The following INTS7 variants were observed in gnomAD, a reference collection of about 807,000 sequenced individuals.
The protein encoded by INTS7 is chromosome 1 open reading frame 73.
In INTS7, 46 loss-of-function variants were observed where a neutral mutation model predicts 109.2. The ratio of observed to expected loss-of-function variants is 0.42; its 90% CI spans 0.33 to 0.54. The LOEUF is 0.54. Among genes scored for constraint, INTS7 ranks in the 20% least tolerant of loss-of-function variants. The pLI is 0.07. For synonymous variants in INTS7, 412 were observed against 402.9 expected, an observed-to-expected ratio of 1.02 and a Z score of -0.27; for missense variants, 929 against 1,132.4, an observed-to-expected ratio of 0.82 and a Z score of 2.58.
chr1:211,953,061 T>C (rs971723851), intron 16 of INTS7, among the ~76,000 whole-genome samples: 13 of 152,206 alleles, frequency 8.5e-5, no homozygotes, highest in African/African-American at 2.7e-4. Flanking sequence ...CATAAAGATA[T>C]GTAATAACAG....
At chr1:212,003,560 A>G (rs1265675368) in intron 7 of INTS7, among the ~76,000 whole-genome samples, 3 of 152,208 alleles carry the variant, frequency 2.0e-5, no homozygotes, top group Non-Finnish European at 2.9e-5. Flanking sequence ...GAGATGCAAG[A>G]AGAGCAAAGA....
chr1:212,011,711 T>C (rs1369834350), intron 4 of INTS7: 8 of 299,272 alleles, frequency 2.7e-5, no homozygotes, highest in Non-Finnish European at 3.7e-5. Context: ...GAAATTATTT[T>C]GTGTTTATAT....
intron 1 of INTS7, among the ~76,000 whole-genome samples, chr1:212,026,643 T>C (rs1359502644): frequency 2.0e-5 from 3 of 152,246 alleles, no homozygotes; most frequent in Middle Eastern, 3.4e-3. Context: ...GGGAAAGACA[T>C]AGCTGAGGAT....
chr1:211,986,929 A>G lies in INTS7; in HGVS notation c.997+957T>C, dbSNP rs578039875. ...GGCCATAAAAGGGACAAACAAATGTACATTACAGTTCTTTAATTCAAACTA... is the reference window on the plus strand; with the variant it reads ...GGCCATAAAAGGGACAAACAAATGTGCATTACAGTTCTTTAATTCAAACTA... On this transcript the variant is annotated intron_variant, in intron 8 of 19. Coordinates refer to ENST00000366994, the MANE Select transcript of INTS7 (RefSeq NM_015434.4). 5.3e-5 allele frequency among the ~76,000 whole-genome samples: 8 copies of G among 152,350 alleles called. No individual in the cohort carries two copies. The East Asian group carries it at 1.5e-3, about 29-fold the overall frequency.
intron 13 of INTS7, among the ~76,000 whole-genome samples, chr1:211,970,599 A>G (rs1025302658): frequency 6.6e-6 from 1 of 152,244 alleles, no homozygotes. Flanking sequence ...ACTCTTATAA[A>G]CCAGTAAGAA....
chr1:212,008,602 G>A (rs757275932), intron 5 of INTS7, among the ~76,000 whole-genome samples: 1 of 152,080 alleles, frequency 6.6e-6, no homozygotes, highest in Non-Finnish European at 1.5e-5. Flanking sequence ...CTGCCCCGAC[G>A]TCAGACGCAT....
intron 4 of INTS7, among the ~76,000 whole-genome samples, chr1:212,014,485 A>G (rs1666311163): frequency 6.7e-6 from 1 of 150,238 alleles, no homozygotes; most frequent in Non-Finnish European, 1.5e-5. Context: ...AAAAAAAAAA[A>G]AAAAGCTGAA....
intron 16 of INTS7, among the ~76,000 whole-genome samples, chr1:211,955,213 A>C (rs1467749086): frequency 6.6e-6 from 1 of 152,094 alleles, no homozygotes; most frequent in African/African-American, 2.4e-5. Context: ...TTGGTGTATA[A>C]GAATGCTTGT....
intron 10 of INTS7, among the ~76,000 whole-genome samples, chr1:211,980,717 G>A (rs991275163): frequency 7.9e-5 from 12 of 151,680 alleles, no homozygotes; most frequent in Non-Finnish European, 1.8e-4. Context: ...GGGATTATAG[G>A]CATGAGAGCC....
chr1:211,973,848 C>T (rs771599190), intron 13 of INTS7, among the ~76,000 whole-genome samples: 1 of 152,136 alleles, frequency 6.6e-6, no homozygotes, highest in Non-Finnish European at 1.5e-5. Flanking sequence ...AATAAAATAA[C>T]TCCATTTCAA....
chr1:211,986,253 C>G (rs1194721191), intron 8 of INTS7, among the ~76,000 whole-genome samples: 1 of 152,112 alleles, frequency 6.6e-6, no homozygotes, highest in Non-Finnish European at 1.5e-5. Context: ...CTTAGACCAT[C>G]CAATCCTGGT....
chr1:212,004,876 G>C (rs537082441), intron 7 of INTS7, among the ~76,000 whole-genome samples: 6 of 152,314 alleles, frequency 3.9e-5, no homozygotes, highest in Non-Finnish European at 7.4e-5. Flanking sequence ...GGTAAAAAAC[G>C]TAAGTCTGAT....
rs559832186 is a variant in INTS7, at chr1:211,941,169, A to C, written c.*655T>G. ...GTGACTGGTCAGAACCTCCCAATGA[A>C]CAACTCAGAATCCTAGGTCTAAGTC... On this transcript the variant is annotated 3_prime_UTR_variant, in exon 20 of 20. Coordinates refer to ENST00000366994, the MANE Select transcript of INTS7 (RefSeq NM_015434.4). 6.6e-6 allele frequency: 1 copy of C among 152,532 alleles called. No homozygotes were observed. The highest frequency in any genetic ancestry group is 2.4e-5 in the African/African-American group (1 of 41,566). 9.4% of individuals were successfully genotyped at this position (152,532 alleles called of 1,614,324 possible). A position where few individuals can be genotyped will look rare whatever the true frequency, so the allele number is the denominator to read the frequency against.
intron 2 of INTS7, 182 bp downstream of exon 2, chr1:212,020,901 A>G (rs4951562): frequency 1.2e-5 from 8 of 646,354 alleles, no homozygotes; most frequent in Non-Finnish European, 1.4e-5. Context: ...TCTAAATTAT[A>G]CTCTTCATTT....
At chr1:211,996,815 A>C (rs114881557) in intron 7 of INTS7, among the ~76,000 whole-genome samples, 2,477 of 152,238 alleles carry the variant, frequency 0.016, 19 homozygotes, top group Non-Finnish European at 0.021. Context: ...GCTTGAGCCC[A>C]GGAGTTTGAG....
At chr1:211,975,084 T>C (rs938838945) in intron 13 of INTS7, 82 bp downstream of exon 13, 13 of 937,586 alleles carry the variant, frequency 1.4e-5, no homozygotes, top group African/African-American at 1.2e-4. Flanking sequence ...CTCAAGTTAG[T>C]TGAAATAGGA....
rs777328533 is a variant in INTS7 at position 211,944,953 on chromosome 1, G to A, written c.2432C>T (p.Ser811Leu). 14 of 1,613,750 alleles carry A rather than the reference G, an allele frequency of 8.7e-6. No individual in the cohort carries two copies. Among genetic ancestry groups the A allele is most frequent in the Admixed American group, 3.3e-5 (2 of 59,914 alleles). Residue 811 changes from serine to leucine, a missense_variant, in exon 19 of 20, where the codon TCG becomes TTG. Physicochemically the swap from Ser to Leu is moderately radical, Grantham distance 145. Coordinates refer to ENST00000366994, the MANE Select transcript of INTS7 (RefSeq NM_015434.4). ...STSIKLALSP[S>L]PRNPAEPIAV... ...AATGGGCTCTGCAGGATTCCGGGGC[G>A]ATGGTGACAGAGCAAGCTGGAATGC...
At chr1:212,000,318 T>G (rs1665609459) in intron 7 of INTS7, among the ~76,000 whole-genome samples, 1 of 152,124 alleles carries the variant, frequency 6.6e-6, no homozygotes, top group South Asian at 2.1e-4. Context: ...TAACATGTAG[T>G]GATTGGAAAT....
At chr1:212,003,243 T>C (rs769727757) in intron 7 of INTS7, among the ~76,000 whole-genome samples, 9 of 138,424 alleles carry the variant, frequency 6.5e-5, no homozygotes, top group Non-Finnish European at 1.4e-4. Flanking sequence ...AAAAAGAAAT[T>C]CGCAACTAGA....
Sources: allele counts gnomAD v4.1 joint callset (sites outside exome capture counted in the v4.1 genomes callset), GRCh38; gene constraint gnomAD v4.1.1; transcripts MANE v1.5; gene names NCBI Gene and HGNC (gene_info 2026-07-23, HGNC 2026-07-21).